The following ENTREP2 variants were observed in gnomAD, a reference collection of about 807,000 sequenced individuals.
ENTREP2 encodes protein ENTREP2.
chr15:29,444,248 A>AAGAG, the ENTREP2 span, among the ~76,000 whole-genome samples: 2 of 147,960 alleles, frequency 1.4e-5, no homozygotes, highest in African/African-American at 5.1e-5. Flanking sequence ...GAAAGAAAGA[A>AAGAG]AGAGAAAGAG....
the ENTREP2 span, chr15:29,121,965 C>CCCCA: frequency 1.3e-5 from 2 of 152,330 alleles, no homozygotes; most frequent in Admixed American, 6.5e-5. Flanking sequence ...CCCCACAAAG[C>CCCCA]CGAGGGAACA....
At chr15:29,171,710 T>C in the ENTREP2 span, among the ~76,000 whole-genome samples, 1 of 152,178 alleles carries the variant, frequency 6.6e-6, no homozygotes, top group Admixed American at 6.5e-5. Flanking sequence ...AGTCACTGGT[T>C]AATAACAATG....
chr15:29,308,016 A>G, the ENTREP2 span, among the ~76,000 whole-genome samples: 9 of 152,358 alleles, frequency 5.9e-5, no homozygotes, highest in South Asian at 1.9e-3. Context: ...TCAACAAATA[A>G]GTAATAATGT....
chr15:29,459,879 T>G, the ENTREP2 span, among the ~76,000 whole-genome samples: 1 of 152,208 alleles, frequency 6.6e-6, no homozygotes, highest in South Asian at 2.1e-4. Flanking sequence ...ACCTGCAAGC[T>G]ATGGTAATAT....
At chr15:29,284,467 G>GA in the ENTREP2 span, among the ~76,000 whole-genome samples, 12 of 149,300 alleles carry the variant, frequency 8.0e-5, no homozygotes, top group Non-Finnish European at 1.3e-4. Flanking sequence ...TGAGGCAGGA[G>GA]AATCGCTTGA....
the ENTREP2 span, among the ~76,000 whole-genome samples, chr15:29,139,720 C>A: frequency 4.3e-3 from 654 of 152,300 alleles, 4 homozygotes; most frequent in African/African-American, 0.015. Context: ...GGTCGCCTTT[C>A]GGGGACATGT....
At chr15:29,385,527 CT>C in the ENTREP2 span, among the ~76,000 whole-genome samples, 41 of 152,280 alleles carry the variant, frequency 2.7e-4, no homozygotes, top group African/African-American at 9.9e-4. Flanking sequence ...AAAATGACCC[CT>C]GGTGACCCCT....
At chr15:29,235,985 A>AC in the ENTREP2 span, among the ~76,000 whole-genome samples, 59,462 of 151,564 alleles carry the variant, frequency 0.39, 11,922 homozygotes, top group East Asian at 0.6. Context: ...ACAAAACAAA[A>AC]AAAAACCCAA....
the ENTREP2 span, among the ~76,000 whole-genome samples, chr15:29,141,859 C>A: frequency 6.6e-6 from 1 of 152,216 alleles, no homozygotes; most frequent in African/African-American, 2.4e-5. Flanking sequence ...CGCCCTGCGG[C>A]CCCCTGGTCC....
the ENTREP2 span, among the ~76,000 whole-genome samples, chr15:29,131,776 C>T: frequency 6.8e-6 from 1 of 146,772 alleles, no homozygotes; most frequent in South Asian, 2.4e-4. Context: ...CCTACATCCT[C>T]TGGAGGGCCA....
the ENTREP2 span, among the ~76,000 whole-genome samples, chr15:29,563,186 C>T: frequency 6.6e-6 from 1 of 152,128 alleles, no homozygotes; most frequent in Non-Finnish European, 1.5e-5. Flanking sequence ...CACAATGTAA[C>T]CTTTCAAATC....
chr15:29,373,968 C>G, the ENTREP2 span: 1 of 151,888 alleles, frequency 6.6e-6, no homozygotes, highest in African/African-American at 2.4e-5. Context: ...AAAATATGTA[C>G]GCATCTGTGT....
chr15:29,140,437 A>G, the ENTREP2 span, among the ~76,000 whole-genome samples: 1 of 151,968 alleles, frequency 6.6e-6, no homozygotes, highest in Non-Finnish European at 1.5e-5. Flanking sequence ...TCCTGCTACC[A>G]CAGCTGTTTT....
At chr15:29,338,977 G>A in the ENTREP2 span, among the ~76,000 whole-genome samples, 3 of 152,132 alleles carry the variant, frequency 2.0e-5, no homozygotes, top group African/African-American at 7.2e-5. Flanking sequence ...CTACATCAGG[G>A]ACCAGGGAAC....
At chr15:29,295,459 T>C in the ENTREP2 span, among the ~76,000 whole-genome samples, 2 of 152,156 alleles carry the variant, frequency 1.3e-5, no homozygotes, top group Non-Finnish European at 2.9e-5. Flanking sequence ...ACAGTACTCA[T>C]CCCTTATCCT....
the ENTREP2 span, among the ~76,000 whole-genome samples, chr15:29,246,598 G>C: frequency 6.6e-6 from 1 of 151,974 alleles, no homozygotes; most frequent in Non-Finnish European, 1.5e-5. Flanking sequence ...TACTCAGGAG[G>C]CTGAGGCAGG....
chr15:29,218,406 A>G, the ENTREP2 span, among the ~76,000 whole-genome samples: 1 of 152,196 alleles, frequency 6.6e-6, no homozygotes, highest in Non-Finnish European at 1.5e-5. Context: ...CAATCTACAA[A>G]TTCAATGCAA....
the ENTREP2 span, among the ~76,000 whole-genome samples, chr15:29,318,536 G>A: frequency 6.6e-6 from 1 of 152,190 alleles, no homozygotes; most frequent in East Asian, 1.9e-4. Context: ...TAGCCAGGAT[G>A]GTCTCGATCT....
chr15:29,625,942 G>A, the ENTREP2 span, among the ~76,000 whole-genome samples: 519 of 151,828 alleles, frequency 3.4e-3, 3 homozygotes, highest in African/African-American at 0.011. Flanking sequence ...CGCCTCCCTC[G>A]TTCAAGTGAT....
Sources: allele counts gnomAD v4.1 joint callset (sites outside exome capture counted in the v4.1 genomes callset), GRCh38; gene constraint gnomAD v4.1.1; transcripts MANE v1.5; gene names NCBI Gene and HGNC (gene_info 2026-07-23, HGNC 2026-07-21).